The following RPH3A variants were observed in gnomAD, a reference collection of about 807,000 sequenced individuals.
RPH3A encodes rabphilin 3A.
A neutral mutation model predicts 102.2 loss-of-function variants in RPH3A; 48 were observed. The observed-to-expected ratio is 0.47, with a 90% CI of 0.37 to 0.60. The LOEUF (loss-of-function observed/expected upper bound fraction) is 0.60, where lower values mean the gene tolerates loss of function less well. RPH3A is among the 20% of genes least tolerant of loss of function. The probability of loss-of-function intolerance (pLI) is 0.00; values close to 1 mark genes in which losing one functional copy is unlikely to be tolerated. For synonymous variants in RPH3A, 310 were observed against 324.3 expected (o/e 0.96, Z 0.47); for missense variants, 781 against 910.1 (o/e 0.86, Z 1.83).
rs576486730 is a variant in RPH3A at position 112,863,212 on chromosome 12, C to T, written c.231-2202C>T. Among the ~76,000 whole-genome samples the T allele has an allele frequency of 3.9e-5, 6 of 152,370 alleles. No individual in the cohort carries two copies. In the South Asian group the frequency reaches 1.2e-3, roughly 32 times the overall value. On this transcript the variant is annotated intron_variant, in intron 5 of 21. Coordinates refer to ENST00000389385, the MANE Select transcript of RPH3A (RefSeq NM_001143854.2). ...GTAGCACCTCAGGCCCCACCTCAGA[C>T]CTGGTGTTTCAGAATCTGCATTTTA...
At chr12:112,672,365 A>G (rs1346314500) in intron 1 of RPH3A, among the ~76,000 whole-genome samples, 1 of 152,204 alleles carries the variant, frequency 6.6e-6, no homozygotes, top group East Asian at 1.9e-4. Flanking sequence ...GATCACATCT[A>G]AAACAAATGG....
intron 1 of RPH3A, among the ~76,000 whole-genome samples, chr12:112,616,535 C>A (rs556801382): frequency 5.9e-5 from 9 of 152,236 alleles, no homozygotes; most frequent in Non-Finnish European, 1.2e-4. Flanking sequence ...GACAATAATA[C>A]CTTAATTCCA....
At chr12:112,628,280 C>T (rs1213956956) in intron 1 of RPH3A, among the ~76,000 whole-genome samples, 1 of 151,950 alleles carries the variant, frequency 6.6e-6, no homozygotes, top group African/African-American at 2.4e-5. Context: ...TGCAAAGGCC[C>T]TGAGGTTGGA....
chr12:112,781,790 C>T (rs956156523), intron 1 of RPH3A, among the ~76,000 whole-genome samples: 25 of 152,212 alleles, frequency 1.6e-4, no homozygotes, highest in African/African-American at 5.8e-4. Flanking sequence ...TGGCTTCTGT[C>T]CTCAAGGAAT....
chr12:112,672,763 C>G (rs1281335707), intron 1 of RPH3A, among the ~76,000 whole-genome samples: 1 of 152,116 alleles, frequency 6.6e-6, no homozygotes, highest in African/African-American at 2.4e-5. Flanking sequence ...GACCAGCCCT[C>G]CTGTTGTGCC....
rs143161638 is a variant in RPH3A at position 112,895,751 on chromosome 12, C to T, written c.1858-26C>T. On this transcript the variant is annotated intron_variant, in intron 20 of 21. Transcript: ENST00000389385. Reference sequence around the variant, plus strand: ...GCTGTGGGTTCAGAGGGCTCTTACCCACATGTCTTCCTCTGTTGTATTCAG... The same window carrying T: ...GCTGTGGGTTCAGAGGGCTCTTACCTACATGTCTTCCTCTGTTGTATTCAG... 3.1e-4 allele frequency: 487 copies of T among 1,556,884 alleles called. 3 individuals are homozygous for T. The African/African-American group carries it at 5.6e-3, about 18-fold the overall frequency.
At chr12:112,690,331 G>A (rs890651315) in intron 1 of RPH3A, among the ~76,000 whole-genome samples, 4 of 152,210 alleles carry the variant, frequency 2.6e-5, no homozygotes, top group Non-Finnish European at 1.5e-5. Flanking sequence ...GTAAGCCAAG[G>A]GGCTCAGCCA....
chr12:112,748,260 G>C (rs116072778), intron 1 of RPH3A, among the ~76,000 whole-genome samples: 1 of 152,120 alleles, frequency 6.6e-6, no homozygotes, highest in Non-Finnish European at 1.5e-5. Context: ...GTTCCCAGAC[G>C]TGTATGGCTA....
intron 1 of RPH3A, among the ~76,000 whole-genome samples, chr12:112,716,408 T>C (rs1194334472): frequency 1.3e-5 from 2 of 152,220 alleles, no homozygotes; most frequent in Admixed American, 1.3e-4. Flanking sequence ...TTGTATGAGT[T>C]AGAGTCCTGG....
At chr12:112,667,961 C>T (rs1395244215) in intron 1 of RPH3A, among the ~76,000 whole-genome samples, 1 of 152,142 alleles carries the variant, frequency 6.6e-6, no homozygotes, top group East Asian at 1.9e-4. Context: ...TCTGTTTTGA[C>T]CTAGTTAAGC....
chr12:112,699,059 G>A (rs1469307483), intron 1 of RPH3A, among the ~76,000 whole-genome samples: 2 of 151,846 alleles, frequency 1.3e-5, no homozygotes, highest in South Asian at 2.1e-4. Context: ...TAGCTGGGAC[G>A]ACAGGCATGT....
chr12:112,659,465 G>A lies in RPH3A; in HGVS notation c.-140+84146G>A, dbSNP rs146344757. ...ATTAAATTCAGGTTGTGCATCTTTA[G>A]CAAGAGTATTACAGAAGGGATGCTG... On this transcript the variant is annotated intron_variant, in intron 1 of 21. Coordinates refer to the RPH3A transcript ENST00000543106. Among the ~76,000 whole-genome samples the A allele has an allele frequency of 1.4e-3, 214 of 152,260 alleles. 3 individuals carry two copies. The highest frequency in any genetic ancestry group is 0.014 in the Middle Eastern group (4 of 294).
chr12:112,621,660 T>G (rs931627147), intron 1 of RPH3A, among the ~76,000 whole-genome samples: 11 of 151,838 alleles, frequency 7.2e-5, no homozygotes, highest in South Asian at 4.2e-4. Context: ...CAGGCTTGCT[T>G]AGGTAAACAA....
Position 112,890,872 on chromosome 12 carries a change from C to T in RPH3A, c.1644C>T (p.Ile548=), listed in dbSNP as rs139437123. ...AGCAGGTGGAGCGTGTTGGTGACAT[C>T]GAGGAGCGTGGCAAGATCCTGGTCT... ...EEEQVERVGD[I]EERGKILVSL... Residue 548 remains isoleucine (I), a synonymous_variant, in exon 19 of 22, where the codon ATC becomes ATT. Transcript: ENST00000389385. 3,158 of 1,613,864 alleles carry T rather than the reference C, an allele frequency of 2.0e-3. 67 individuals carry two copies. In the African/African-American group the frequency reaches 0.038, roughly 20 times the overall value.
intron 1 of RPH3A, among the ~76,000 whole-genome samples, chr12:112,608,028 T>G (rs925611468): frequency 1.3e-5 from 2 of 152,168 alleles, no homozygotes; most frequent in Non-Finnish European, 2.9e-5. Flanking sequence ...TCCCAACACA[T>G]GCCCAGGGAC....
chr12:112,727,485 A>ACC, intron 1 of RPH3A, among the ~76,000 whole-genome samples: 1 of 82,080 alleles, frequency 1.2e-5, no homozygotes, highest in Non-Finnish European at 2.4e-5. Context: ...ACACACACAC[A>ACC]CACACAGACC....
At chr12:112,895,688 GC>G in intron 20 of RPH3A, 88 bp from the exon 21 acceptor site, 1 of 851,242 alleles carries the variant, frequency 1.2e-6, no homozygotes, top group Non-Finnish European at 2.0e-6. Context: ...CCTCTCCTTG[GC>G]CCATAACCCC....
intron 1 of RPH3A, among the ~76,000 whole-genome samples, chr12:112,603,069 G>A (rs972725721): frequency 2.6e-5 from 4 of 152,140 alleles, no homozygotes; most frequent in African/African-American, 9.7e-5. Context: ...TGATCTAATG[G>A]TAATAAACTG....
At chr12:112,636,380 C>A (rs1045919733) in intron 1 of RPH3A, among the ~76,000 whole-genome samples, 3 of 152,228 alleles carry the variant, frequency 2.0e-5, no homozygotes, top group Non-Finnish European at 4.4e-5. Context: ...GCTAGGTGAA[C>A]TTGTGCCCAC....
Sources: allele counts gnomAD v4.1 joint callset (sites outside exome capture counted in the v4.1 genomes callset), GRCh38; gene constraint gnomAD v4.1.1; transcripts MANE v1.5; gene names NCBI Gene and HGNC (gene_info 2026-07-23, HGNC 2026-07-21).